The following UNC13C variants were observed in gnomAD, a reference collection of about 807,000 sequenced individuals.
UNC13C encodes the protein unc-13 homolog C, also known as protein unc-13 homolog C.
In UNC13C, 174 loss-of-function variants were observed where a neutral mutation model predicts 245.4. That is an observed-to-expected ratio of 0.71 (90% CI 0.63 to 0.80). UNC13C has a LOEUF of 0.80. Ranked by LOEUF, UNC13C falls within the 30% of genes least tolerant of loss-of-function variation. UNC13C has a pLI of 0.00. For missense variants in UNC13C, 2,829 were observed against 2,602.9 expected (o/e 1.09, Z -1.89); for synonymous variants, 992 against 895.1 (o/e 1.11, Z -1.93).
intron 10 of UNC13C, among the ~76,000 whole-genome samples, chr15:54,274,003 G>T (rs531452566): frequency 4.8e-4 from 73 of 152,250 alleles, no homozygotes; most frequent in Non-Finnish European, 8.2e-4. Context: ...ATGTATTTAA[G>T]TGTGAGGTAC....
At chr15:54,590,315 GCT>G (rs1470090171) in intron 30 of UNC13C, among the ~76,000 whole-genome samples, 1 of 151,982 alleles carries the variant, frequency 6.6e-6, no homozygotes, top group African/African-American at 2.4e-5. Flanking sequence ...CTTTTTTCTA[GCT>G]CTGAAGAATG....
In UNC13C at chr15:54,504,950, T is replaced by A. The variant is rs368149906; in HGVS notation, c.5302-2167T>A. On this transcript the variant is annotated intron_variant, in intron 22 of 32. Transcript: ENST00000260323. ...GCTCCACCAGTACCTGTGTGTCAAA[T>A]CAGAACTGATTGTAGCTGAAAGATA... Among the ~76,000 whole-genome samples, 7 of 152,288 alleles carry A rather than the reference T, an allele frequency of 4.6e-5. 1 individual carries two copies. The South Asian group carries it at 6.2e-4, about 14-fold the overall frequency.
chr15:53,974,282 G>A (rs187168291), upstream of UNC13C, among the ~76,000 whole-genome samples: 1 of 152,112 alleles, frequency 6.6e-6, no homozygotes, highest in African/African-American at 2.4e-5. Flanking sequence ...AGAACTAAGG[G>A]CACCATTTGG....
intron 8 of UNC13C, among the ~76,000 whole-genome samples, chr15:54,251,663 T>G (rs2140868252): frequency 6.6e-6 from 1 of 152,380 alleles, no homozygotes; most frequent in East Asian, 1.9e-4. Context: ...GCCAAAAAGT[T>G]ATATTTCAAC....
chr15:54,591,613 T>C (rs1406756182), intron 30 of UNC13C, among the ~76,000 whole-genome samples: 1 of 152,158 alleles, frequency 6.6e-6, no homozygotes, highest in African/African-American at 2.4e-5. Flanking sequence ...TCTTTTGTAC[T>C]TCAGTCATGT....
intron 2 of UNC13C, among the ~76,000 whole-genome samples, chr15:54,137,425 C>G (rs2031795365): frequency 6.6e-6 from 1 of 152,124 alleles, no homozygotes. Context: ...GGTGTTAAAT[C>G]TTGGCACACA....
At chr15:53,960,779 A>G in the UNC13C span, among the ~76,000 whole-genome samples, 1 of 152,162 alleles carries the variant, frequency 6.6e-6, no homozygotes, top group South Asian at 2.1e-4. Context: ...GTTACATGTG[A>G]TAGATACTCC....
the UNC13C span, among the ~76,000 whole-genome samples, chr15:53,931,174 T>C: frequency 6.6e-6 from 1 of 152,062 alleles, no homozygotes. Context: ...TATTTATGTA[T>C]TTATTTATTT....
chr15:53,964,346 T>C, the UNC13C span, among the ~76,000 whole-genome samples: 1 of 152,178 alleles, frequency 6.6e-6, no homozygotes. Flanking sequence ...AAATCCTGAA[T>C]ACTGTATGGA....
At chr15:53,909,522 G>C in the UNC13C span, among the ~76,000 whole-genome samples, 10 of 146,250 alleles carry the variant, frequency 6.8e-5, 1 homozygote, top group Non-Finnish European at 1.4e-4. Context: ...GGGAGGCTGA[G>C]GTGGGTGGAT....
intron 20 of UNC13C, among the ~76,000 whole-genome samples, chr15:54,499,683 A>G (rs1894111235): frequency 6.6e-6 from 1 of 152,168 alleles, no homozygotes; most frequent in Non-Finnish European, 1.5e-5. Flanking sequence ...GTCTGAGGTA[A>G]GCACCCACGA....
chr15:53,843,649 G>A, the UNC13C span, among the ~76,000 whole-genome samples: 1 of 152,084 alleles, frequency 6.6e-6, no homozygotes, highest in Non-Finnish European at 1.5e-5. Flanking sequence ...GGAGAAAAAA[G>A]AGCCCATGAA....
chr15:54,296,678 T>C (rs1181439984), intron 11 of UNC13C, among the ~76,000 whole-genome samples: 1 of 152,140 alleles, frequency 6.6e-6, no homozygotes, highest in Non-Finnish European at 1.5e-5. Context: ...AGGGAAGTCA[T>C]CTTCATGGTT....
rs759741680 is a variant in UNC13C, at chr15:54,500,118, C to T, written c.5100C>T (p.Asn1700=). ...EPFVMQWLDE[N]EDVSMEFLHG... ...TTGTCATGCAATGGCTAGATGAAAACGAAGATGTGTCAATGGAATTCCTTC... is the reference window on the plus strand; with the variant it reads ...TTGTCATGCAATGGCTAGATGAAAATGAAGATGTGTCAATGGAATTCCTTC... The change falls in exon 21 of 33, where the codon AAC becomes AAT. Residue 1700 remains asparagine (N), a synonymous_variant. Transcript: ENST00000260323. The T allele has an allele frequency of 2.0e-5, 32 of 1,610,810 alleles. No homozygotes were observed. The South Asian group carries it at 2.2e-4, about 11-fold the overall frequency.
chr15:53,841,842 C>G, the UNC13C span, among the ~76,000 whole-genome samples: 1 of 152,160 alleles, frequency 6.6e-6, no homozygotes, highest in South Asian at 2.1e-4. Flanking sequence ...CCTCTTCTGT[C>G]TTCAGTTACT....
intron 17 of UNC13C, among the ~76,000 whole-genome samples, chr15:54,363,479 A>C (rs2039284672): frequency 6.6e-6 from 1 of 152,238 alleles, no homozygotes; most frequent in African/African-American, 2.4e-5. Context: ...GAAAGTCATA[A>C]GGACTGAAAA....
At chr15:54,114,134 G>C (rs1057227127) in intron 2 of UNC13C, among the ~76,000 whole-genome samples, 1 of 152,122 alleles carries the variant, frequency 6.6e-6, no homozygotes, top group Admixed American at 6.6e-5. Flanking sequence ...TTTGTAGAAA[G>C]CATGATGTTA....
At chr15:54,442,240 T>G (rs1489753869) in intron 19 of UNC13C, among the ~76,000 whole-genome samples, 1 of 149,858 alleles carries the variant, frequency 6.7e-6, no homozygotes, top group African/African-American at 2.4e-5. Context: ...TTTCACCACT[T>G]GTTCCAGTTC....
intron 20 of UNC13C, among the ~76,000 whole-genome samples, chr15:54,495,322 C>T (rs1392173433): frequency 6.6e-6 from 1 of 152,028 alleles, no homozygotes; most frequent in African/African-American, 2.4e-5. Context: ...TAAAGACCCC[C>T]ACCCTGAAAG....
Sources: gnomAD v4.1 joint callset for allele counts (sites outside exome capture counted in the v4.1 genomes callset) on GRCh38, gnomAD v4.1.1 for gene constraint, MANE v1.5 for transcripts, NCBI Gene and HGNC (gene_info 2026-07-23, HGNC 2026-07-21) for gene names.